Variants in ZNF512 observed in about 807,000 individuals in gnomAD.
The protein encoded by ZNF512 is zinc finger protein 512.
Under a neutral mutation model 77.5 loss-of-function variants are expected in ZNF512, and 25 were observed. That is an observed-to-expected ratio of 0.32 (90% CI 0.23 to 0.45). The LOEUF (loss-of-function observed/expected upper bound fraction) is 0.45, where lower values mean the gene tolerates loss of function less well. Ranked by LOEUF, ZNF512 falls within the 20% of genes least tolerant of loss-of-function variation. ZNF512 has a pLI of 1.00. For synonymous variants in ZNF512, 246 were observed against 239.9 expected (o/e 1.03, Z -0.24); for missense variants, 483 against 692.6 (o/e 0.70, Z 3.40).
chr2:27,615,330 T>G, intron 11 of ZNF512, 61 bp downstream of exon 11: 1 of 1,109,756 alleles, frequency 9.0e-7, no homozygotes, highest in East Asian at 2.6e-5. Context: ...CTTGCTTCTG[T>G]TATTTATTCC....
At chr2:27,619,537 G>A (rs1238921068) in intron 13 of ZNF512, among the ~76,000 whole-genome samples, 1 of 152,072 alleles carries the variant, frequency 6.6e-6, no homozygotes, top group Non-Finnish European at 1.5e-5. Flanking sequence ...ATGCTCCCAG[G>A]CATTTGTTTA....
intron 2 of ZNF512, among the ~76,000 whole-genome samples, chr2:27,592,025 C>G (rs909627176): frequency 6.6e-6 from 1 of 152,050 alleles, no homozygotes; most frequent in South Asian, 2.1e-4. Context: ...GCCTAACTCC[C>G]GTTGCCCAGG....
intron 10 of ZNF512, among the ~76,000 whole-genome samples, chr2:27,613,421 G>A (rs1389846461): frequency 6.6e-6 from 1 of 151,796 alleles, no homozygotes; most frequent in Admixed American, 6.6e-5. Context: ...GCTTGAACCT[G>A]GAAGGCGGAG....
intron 2 of ZNF512, among the ~76,000 whole-genome samples, chr2:27,591,964 C>A (rs1298137461): frequency 6.6e-6 from 1 of 152,152 alleles, no homozygotes; most frequent in Non-Finnish European, 1.5e-5. Context: ...AAAACAAAAT[C>A]TTTGGCTTTG....
At chr2:27,612,512 C>T (rs1672711197) in intron 10 of ZNF512, among the ~76,000 whole-genome samples, 2 of 152,188 alleles carry the variant, frequency 1.3e-5, no homozygotes, top group Middle Eastern at 3.4e-3. Context: ...TATTTTATGG[C>T]TGTCTATCTG....
intron 9 of ZNF512, 112 bp from the exon 10 acceptor site, chr2:27,607,733 A>T (rs913915812): frequency 6.1e-6 from 6 of 982,738 alleles, no homozygotes; most frequent in Non-Finnish European, 9.1e-6. Flanking sequence ...AGTGGTTAGC[A>T]ATCTACTACA....
At chr2:27,610,583 T>TATATATATATACA (rs1485007296) in intron 10 of ZNF512, among the ~76,000 whole-genome samples, 1 of 67,232 alleles carries the variant, frequency 1.5e-5, no homozygotes, top group African/African-American at 6.9e-5. Context: ...TTTTTTTTTT[T>TATATATATATACA]TTTTTTTTTT....
Position 27,622,757 on chromosome 2 carries a change from G to C in ZNF512, c.*1296G>C, listed in dbSNP as rs1256797221. 1 of 152,740 alleles carries C rather than the reference G, an allele frequency of 6.5e-6. No homozygotes were observed. The highest frequency in any genetic ancestry group is 1.5e-5 in the Non-Finnish European group (1 of 68,030). The allele number at this position is 152,740 out of a possible 1,614,324, so 9.5% of individuals were successfully genotyped here. On this transcript the variant is annotated 3_prime_UTR_variant, in exon 14 of 14. Transcript: ENST00000355467. ...CATATGCCACATAAAAAATGAACCT[G>C]ATATAGACAAGTACTACCTTTTCAA...
intron 2 of ZNF512, among the ~76,000 whole-genome samples, chr2:27,588,060 G>A (rs143100736): frequency 6.6e-6 from 1 of 151,940 alleles, no homozygotes; most frequent in East Asian, 1.9e-4. Flanking sequence ...AAAAAAAGTG[G>A]GTTATCTTAT....
At position 27,615,269 on chromosome 2, in the gene ZNF512, G is replaced by T; in HGVS notation, c.1233G>T (p.Gln411His). 1 of 1,571,436 alleles carries T rather than the reference G, an allele frequency of 6.4e-7. No homozygotes were observed. Residue 411 changes from glutamine (Q) to histidine (H), a missense_variant and splice_region_variant, in exon 11 of 14, where the codon CAG becomes CAT. Coordinates refer to ENST00000355467, the MANE Select transcript of ZNF512 (RefSeq NM_032434.4). Reference sequence around the variant, plus strand: ...ATCATCGTATTCAGTGTCCTAACCAGGTGGTTCTTTCTCATTCATTTATTC... The same window carrying T: ...ATCATCGTATTCAGTGTCCTAACCATGTGGTTCTTTCTCATTCATTTATTC... ...KKYHRIQCPN[Q>H]GCEAVYSSVS...
rs1417129860 is a variant in ZNF512, at chr2:27,602,554, T to C, written c.761T>C (p.Met254Thr). The C allele has an allele frequency of 2.5e-6, 4 of 1,613,192 alleles. No homozygotes were observed. In the Admixed American group the frequency reaches 6.7e-5, roughly 27 times the overall value. Reference protein sequence around the residue: ...VLKRLGKLRCMRESCSSSFTS... With the variant: ...VLKRLGKLRCTRESCSSSFTS... ...AAGAGACTGGGAAAGCTCAGGTGCA[T>C]GCGTGAGGTAAGGGCCCAAGGACAG... is the stretch of plus-strand genomic sequence containing the variant. Residue 254 changes from methionine (M) to threonine (T), a missense_variant, in exon 8 of 14, where the codon ATG (methionine) becomes ACG (threonine). Physicochemically the swap from Met to Thr is moderately conservative, Grantham distance 81 (BLOSUM62 -1). Transcript: ENST00000355467.
intron 10 of ZNF512, among the ~76,000 whole-genome samples, chr2:27,614,572 G>T (rs781416400): frequency 2.0e-5 from 3 of 151,954 alleles, no homozygotes; most frequent in Non-Finnish European, 2.9e-5. Context: ...CAGCTACTCA[G>T]GAGGCTGAGG....
At chr2:27,600,847 G>C in intron 6 of ZNF512, 32 bp downstream of exon 6, 1 of 1,597,846 alleles carries the variant, frequency 6.3e-7, no homozygotes, top group African/African-American at 1.3e-5. Context: ...TAACTGTTAC[G>C]ATATTTTTAC....
At chr2:27,603,593 T>G (rs776954568) in intron 9 of ZNF512, among the ~76,000 whole-genome samples, 3 of 143,698 alleles carry the variant, frequency 2.1e-5, no homozygotes, top group East Asian at 2.0e-4. Flanking sequence ...TGTGTATATT[T>G]TTTTTTTTTT....
At chr2:27,586,349 C>G (rs1671327786) in intron 2 of ZNF512, among the ~76,000 whole-genome samples, 1 of 152,132 alleles carries the variant, frequency 6.6e-6, no homozygotes, top group Admixed American at 6.5e-5. Context: ...CCTGCCTCAG[C>G]CTCCCGAGTA....
At chr2:27,616,708 A>G (rs949944424) in intron 12 of ZNF512, among the ~76,000 whole-genome samples, 1 of 152,208 alleles carries the variant, frequency 6.6e-6, no homozygotes, top group Non-Finnish European at 1.5e-5. Context: ...CTGGATTGGT[A>G]AAGATCCTCT....
intron 7 of ZNF512, among the ~76,000 whole-genome samples, chr2:27,601,849 A>T (rs777202993): frequency 6.6e-6 from 1 of 152,174 alleles, no homozygotes; most frequent in Non-Finnish European, 1.5e-5. Context: ...CAGTTTCTCC[A>T]TGTTGGTCAG....
At position 27,596,274 on chromosome 2, in the gene ZNF512, A is replaced by G. The variant is rs1671865735; in HGVS notation, c.90-1793A>G. 2.0e-5 allele frequency among the ~76,000 whole-genome samples: 3 copies of G among 152,150 alleles called. No homozygotes were observed. The South Asian group carries it at 6.2e-4, about 32-fold the overall frequency. ...TTGGTTTGGGTCACATTAGAGTTCA[A>G]ATCTCATTTTGGTTTTCAAAGTCTT... On this transcript the variant is annotated intron_variant, in intron 2 of 13. Coordinates refer to ENST00000355467, the MANE Select transcript of ZNF512 (RefSeq NM_032434.4).
chr2:27,583,561 G>GGA (rs1377565268), intron 1 of ZNF512, 97 bp from the exon 2 acceptor site: 16 of 1,547,148 alleles, frequency 1.0e-5, no homozygotes, highest in Non-Finnish European at 9.6e-6. Context: ...GGTTTCCCCG[G>GGA]GAGAACTTCA....
Sources: gnomAD v4.1 joint callset for allele counts (sites outside exome capture counted in the v4.1 genomes callset) on GRCh38, gnomAD v4.1.1 for gene constraint, MANE v1.5 for transcripts, NCBI Gene and HGNC (gene_info 2026-07-23, HGNC 2026-07-21) for gene names.